CTNNA2: variants seen among roughly 807,000 people sequenced by gnomAD.
CTNNA2 encodes catenin alpha 2.
In CTNNA2, 42 loss-of-function variants were observed where a neutral mutation model predicts 101.0. That is an observed-to-expected ratio of 0.42 (90% CI 0.32 to 0.54). The LOEUF is 0.54. Ranked by LOEUF, CTNNA2 falls within the 20% of genes least tolerant of loss-of-function variation. The probability of loss-of-function intolerance (pLI) is 0.14; values close to 1 mark genes in which losing one functional copy is unlikely to be tolerated. For missense variants in CTNNA2, 871 were observed against 1,223.1 expected, an observed-to-expected ratio of 0.71 and a Z score of 4.29; for synonymous variants, 450 against 456.4, an observed-to-expected ratio of 0.99 and a Z score of 0.18.
In CTNNA2 at chr2:80,303,694, C is replaced by G; in HGVS notation, c.1057-89517C>G. On this transcript the variant is annotated intron_variant, in intron 7 of 18. Coordinates refer to ENST00000402739, the MANE Select transcript of CTNNA2 (RefSeq NM_001282597.3). The surrounding 1 kb of genome is among the most constrained non-coding windows in gnomAD (Gnocchi z 7.7). ...ACAGCAGCCGCCCCTCGCACCGGCA[C>G]AGCTGCGGGCACCCGCTGGGGGCGG... 7 of 1,609,926 alleles carry G rather than the reference C, an allele frequency of 4.3e-6. No individual in the cohort carries two copies. Among genetic ancestry groups the G allele is most frequent in the Non-Finnish European group, 5.9e-6 (7 of 1,177,740 alleles).
chr2:79,932,928 G>T (rs1687545698), intron 7 of CTNNA2, among the ~76,000 whole-genome samples: 1 of 152,154 alleles, frequency 6.6e-6, no homozygotes, highest in South Asian at 2.1e-4. Context: ...CATTGATCCT[G>T]TTGATCCCTG....
intron 3 of CTNNA2, among the ~76,000 whole-genome samples, chr2:79,781,347 C>T (rs1178786643): frequency 6.6e-6 from 1 of 152,188 alleles, no homozygotes; most frequent in Non-Finnish European, 1.5e-5. Context: ...GTTTTATCAG[C>T]AAGATCTTTA....
chr2:79,671,489 C>A (rs1031932550), intron 2 of CTNNA2, among the ~76,000 whole-genome samples: 4 of 140,492 alleles, frequency 2.8e-5, no homozygotes, highest in African/African-American at 1.1e-4. Flanking sequence ...TAGATACTTT[C>A]ATATGAGAAG....
At chr2:79,563,188 T>TATATATATATATATATATATATATA (rs1491331448) in intron 1 of CTNNA2, among the ~76,000 whole-genome samples, 6 of 42,302 alleles carry the variant, frequency 1.4e-4, no homozygotes, top group African/African-American at 3.2e-4. Context: ...TATATATATA[T>TATATATATATATATATATATATATA]TTTCCTTCAT....
chr2:80,023,386 T>A (rs754776499), intron 7 of CTNNA2, among the ~76,000 whole-genome samples: 3 of 152,164 alleles, frequency 2.0e-5, no homozygotes, highest in Non-Finnish European at 4.4e-5. Flanking sequence ...GTGACTATTA[T>A]TTCTGCAATT....
chr2:80,380,316 G>A (rs1280265523), intron 7 of CTNNA2, among the ~76,000 whole-genome samples: 2 of 152,070 alleles, frequency 1.3e-5, no homozygotes, highest in Admixed American at 6.5e-5. Flanking sequence ...GATTACAGGC[G>A]TGAGCCACCG....
At chr2:79,717,682 T>C (rs1686197217) in intron 2 of CTNNA2, among the ~76,000 whole-genome samples, 1 of 152,048 alleles carries the variant, frequency 6.6e-6, no homozygotes, top group Non-Finnish European at 1.5e-5. Flanking sequence ...AAATTAGGTG[T>C]AAATGTGGTC....
chr2:79,676,557 T>C (rs1312719345), intron 2 of CTNNA2, among the ~76,000 whole-genome samples: 1 of 152,116 alleles, frequency 6.6e-6, no homozygotes, highest in Non-Finnish European at 1.5e-5. Flanking sequence ...TGATCGGCTC[T>C]GGAAGTGACC....
In CTNNA2 at chr2:80,062,274, C is replaced by G. The variant is rs1302257371; in HGVS notation, c.1056+152477C>G. 2.6e-5 allele frequency among the ~76,000 whole-genome samples: 4 copies of G among 152,194 alleles called. No homozygotes were observed. In the East Asian group the frequency reaches 7.7e-4, roughly 29 times the overall value. ...TAATTTTGGAAAATTGCATTTGAAA[C>G]TTTCTTGAAGTAGTCTTATTCTCTG... On this transcript the variant is annotated intron_variant, in intron 7 of 18. Coordinates refer to ENST00000402739, the MANE Select transcript of CTNNA2 (RefSeq NM_001282597.3).
chr2:79,852,882 G>A (rs563285902), intron 3 of CTNNA2, among the ~76,000 whole-genome samples: 9 of 150,696 alleles, frequency 6.0e-5, no homozygotes, highest in South Asian at 2.1e-4. Context: ...GAGCCACCGC[G>A]CACAGCCGCA....
At chr2:80,101,072 G>T (rs377453608) in intron 7 of CTNNA2, among the ~76,000 whole-genome samples, 1 of 152,154 alleles carries the variant, frequency 6.6e-6, no homozygotes, top group Non-Finnish European at 1.5e-5. Flanking sequence ...GGAGAGGATT[G>T]TTTGATATGA....
At chr2:80,359,029 T>G (rs1674126819) in intron 7 of CTNNA2, among the ~76,000 whole-genome samples, 2 of 152,030 alleles carry the variant, frequency 1.3e-5, no homozygotes, top group Non-Finnish European at 2.9e-5. Context: ...ATTGATTTTT[T>G]GACTCCATTA....
At position 80,303,765 on chromosome 2, in the gene CTNNA2, C is replaced by G. The variant is rs752256308; in HGVS notation, c.1057-89446C>G. On this transcript the variant is annotated intron_variant, in intron 7 of 18. Coordinates refer to ENST00000402739, the MANE Select transcript of CTNNA2 (RefSeq NM_001282597.3). This position sits in a 1 kb window ranked among gnomAD's most constrained non-coding sequence, Gnocchi z 7.7. ...GCCCCCAGCAGACACAAGACCACCCCCGAGGGCCTCCTCAGCAGCCAGTAT... is the reference window on the plus strand; with the variant it reads ...GCCCCCAGCAGACACAAGACCACCCGCGAGGGCCTCCTCAGCAGCCAGTAT... 3.8e-6 allele frequency: 6 copies of G among 1,570,394 alleles called. No homozygotes were observed. The highest frequency in any genetic ancestry group is 3.6e-5 in the South Asian group (3 of 83,476).
intron 7 of CTNNA2, among the ~76,000 whole-genome samples, chr2:80,240,866 A>ACAT (rs1192671448): frequency 6.6e-6 from 1 of 152,180 alleles, no homozygotes; most frequent in Non-Finnish European, 1.5e-5. Context: ...TTTCTGAAGT[A>ACAT]GCATCAGGGT....
At chr2:79,770,921 G>A (rs1279421657) in intron 3 of CTNNA2, among the ~76,000 whole-genome samples, 1 of 152,174 alleles carries the variant, frequency 6.6e-6, no homozygotes, top group Non-Finnish European at 1.5e-5. Context: ...TTTAGATGAA[G>A]AAATTATTGC....
At chr2:79,229,165 A>T (rs1480535895) in intron 2 of CTNNA2, among the ~76,000 whole-genome samples, 1 of 152,262 alleles carries the variant, frequency 6.6e-6, no homozygotes, top group Admixed American at 6.5e-5. Flanking sequence ...AACTTATAGT[A>T]TAATTTGAAG....
intron 7 of CTNNA2, among the ~76,000 whole-genome samples, chr2:80,180,544 C>A (rs193072234): frequency 3.6e-4 from 55 of 152,306 alleles, no homozygotes; most frequent in Non-Finnish European, 4.9e-4. Context: ...GCCTCTGCCA[C>A]CTCAGGATCT....
intron 1 of CTNNA2, among the ~76,000 whole-genome samples, chr2:79,529,900 C>T (rs1415986339): frequency 2.0e-5 from 3 of 151,658 alleles, no homozygotes; most frequent in African/African-American, 4.8e-5. Context: ...AAGGCTGAAC[C>T]GGGACATTCC....
chr2:79,916,816 G>C (rs1351882962), intron 7 of CTNNA2, among the ~76,000 whole-genome samples: 1 of 151,608 alleles, frequency 6.6e-6, no homozygotes, highest in Non-Finnish European at 1.5e-5. Context: ...TAGAGACGGG[G>C]TTTCACCCGT....
Sources: allele counts gnomAD v4.1 joint callset (sites outside exome capture counted in the v4.1 genomes callset), GRCh38; gene constraint gnomAD v4.1.1; non-coding constraint Gnocchi (gnomAD v3.1); transcripts MANE v1.5; gene names NCBI Gene and HGNC (gene_info 2026-07-23, HGNC 2026-07-21).